TJP1: variants seen among roughly 807,000 people sequenced by gnomAD.
TJP1 encodes tight junction protein ZO-1.
TJP1 carries 43 observed loss-of-function variants against 194.2 expected under a neutral mutation model. The observed-to-expected ratio is 0.22, with a 90% CI of 0.17 to 0.29. The LOEUF is 0.29. Among genes scored for constraint, TJP1 ranks in the 10% least tolerant of loss-of-function variants. The pLI is 1.00. For missense variants in TJP1, 1,971 were observed against 2,185.7 expected, an observed-to-expected ratio of 0.90 and a Z score of 1.96; for synonymous variants, 801 against 779.0, an observed-to-expected ratio of 1.03 and a Z score of -0.47.
chr15:29,949,261 C>A (rs1202997624), intron 2 of TJP1, among the ~76,000 whole-genome samples: 3 of 118,574 alleles, frequency 2.5e-5, no homozygotes, highest in African/African-American at 4.2e-5. Context: ...CCACCTCCAC[C>A]ACCACCACCT....
chr15:29,846,567 A>G (rs1470748678), intron 2 of TJP1, among the ~76,000 whole-genome samples: 1 of 152,110 alleles, frequency 6.6e-6, no homozygotes, highest in Admixed American at 6.6e-5. Flanking sequence ...GAGGTTAGGG[A>G]GGTCCAGGTA....
intron 8 of TJP1, among the ~76,000 whole-genome samples, chr15:29,752,680 G>A (rs2045367710): frequency 6.6e-6 from 1 of 152,000 alleles, no homozygotes; most frequent in Non-Finnish European, 1.5e-5. Flanking sequence ...GTTCACAAAA[G>A]TTCAGGATGT....
intron 6 of TJP1, 140 bp from the exon 7 acceptor site, chr15:29,761,909 A>C: frequency 1.3e-6 from 1 of 797,950 alleles, no homozygotes; most frequent in Non-Finnish European, 1.8e-6. Flanking sequence ...CAAACTGTCA[A>C]AGTATTCCAC....
chr15:29,867,227 C>T (rs185899041), intron 2 of TJP1, among the ~76,000 whole-genome samples: 1 of 152,174 alleles, frequency 6.6e-6, no homozygotes, highest in Non-Finnish European at 1.5e-5. Context: ...ACCAGACATG[C>T]TGTTTGTGGC....
chr15:29,848,955 ACT>A (rs527877460), intron 2 of TJP1, among the ~76,000 whole-genome samples: 12 of 152,244 alleles, frequency 7.9e-5, no homozygotes, highest in East Asian at 5.8e-4. Context: ...TTTATAAAAT[ACT>A]CTTTTTCACA....
At chr15:29,863,599 T>C (rs1009597598) in intron 2 of TJP1, among the ~76,000 whole-genome samples, 4 of 152,126 alleles carry the variant, frequency 2.6e-5, no homozygotes, top group African/African-American at 9.7e-5. Context: ...CACCCATTTA[T>C]GTTACCAGCC....
At chr15:29,778,128 T>C (rs2047133349) in intron 2 of TJP1, among the ~76,000 whole-genome samples, 2 of 152,138 alleles carry the variant, frequency 1.3e-5, no homozygotes, top group African/African-American at 2.4e-5. Context: ...AGCAAGTAAA[T>C]GCAGTTCCGG....
At chr15:29,888,470 ATAAT>A (rs1421512920) in intron 2 of TJP1, among the ~76,000 whole-genome samples, 2 of 152,208 alleles carry the variant, frequency 1.3e-5, no homozygotes, top group Non-Finnish European at 2.9e-5. Context: ...AAAGTGTAAT[ATAAT>A]TAATTCTCAG....
intron 2 of TJP1, among the ~76,000 whole-genome samples, chr15:29,909,382 AT>A (rs905173021): frequency 6.7e-6 from 1 of 149,874 alleles, no homozygotes; most frequent in African/African-American, 2.5e-5. Flanking sequence ...AAAATGGTTC[AT>A]TTTTAAACTT....
intron 8 of TJP1, chr15:29,759,899 T>C (rs1427813765): frequency 1.6e-5 from 5 of 315,226 alleles, no homozygotes; most frequent in East Asian, 5.3e-5. Context: ...ACCTTGGCTA[T>C]TGTGAATAAT....
chr15:29,945,413 T>C (rs1282476338), intron 2 of TJP1, among the ~76,000 whole-genome samples: 1 of 152,220 alleles, frequency 6.6e-6, no homozygotes, highest in African/African-American at 2.4e-5. Context: ...CAAGTACTTA[T>C]CGAGAAGCTG....
chr15:29,901,462 A>C (rs996858013), intron 2 of TJP1, among the ~76,000 whole-genome samples: 1 of 152,150 alleles, frequency 6.6e-6, no homozygotes, highest in African/African-American at 2.4e-5. Flanking sequence ...GGCCTTCTCT[A>C]TCCATAGATC....
At position 29,926,080 on chromosome 15, in the gene TJP1, G is replaced by A. The variant is rs558367454; in HGVS notation, c.306+30152C>T. On this transcript the variant is annotated intron_variant, in intron 2 of 28. Transcript: ENST00000356107. Reference sequence around the variant, plus strand: ...GCCAGGACCCACACTCCCCCCAGTGGAATAAGCTCTATGCTCAGACAACAG... The same window carrying A: ...GCCAGGACCCACACTCCCCCCAGTGAAATAAGCTCTATGCTCAGACAACAG... 3.2e-4 allele frequency among the ~76,000 whole-genome samples: 49 copies of A among 152,268 alleles called. 5 individuals are homozygous for A. Among genetic ancestry groups the A allele is most frequent in the African/African-American group, 1.1e-3 (47 of 41,564 alleles).
At chr15:29,805,885 G>A (rs1360789472) in intron 1 of TJP1, among the ~76,000 whole-genome samples, 2 of 152,142 alleles carry the variant, frequency 1.3e-5, no homozygotes, top group Non-Finnish European at 2.9e-5. Flanking sequence ...AGATGTTTCA[G>A]AAGAAACAGC....
intron 2 of TJP1, among the ~76,000 whole-genome samples, chr15:29,887,419 C>T (rs947300873): frequency 1.3e-4 from 20 of 151,952 alleles, no homozygotes; most frequent in African/African-American, 4.3e-4. Flanking sequence ...CCTGCCTCAG[C>T]CTCCCGAATA....
rs71103415 is a variant in TJP1 at position 29,906,468 on chromosome 15, A to AAAATAAATAAATAAATAAAT, written c.306+49744_306+49763dup. Among the ~76,000 whole-genome samples the AAAATAAATAAATAAATAAAT allele has an allele frequency of 8.6e-3, 1,198 of 138,920 alleles. 6 individuals carry two copies. Among genetic ancestry groups the AAAATAAATAAATAAATAAAT allele is most frequent in the Middle Eastern group, 0.018 (5 of 276 alleles). 91.1% of individuals were successfully genotyped at this position (138,920 alleles called of 152,430 possible). A position where few individuals can be genotyped will look rare whatever the true frequency, so the allele number is the denominator to read the frequency against. On this transcript the variant is annotated intron_variant, in intron 2 of 28. Transcript: ENST00000356107. ...GGGCGATAGAGCGAGACTCCGTCTC[A>AAAATAAATAAATAAATAAAT]AAATAAATAAATAAATAAATAAATA...
chr15:29,911,580 C>G (rs1436563794), intron 2 of TJP1, among the ~76,000 whole-genome samples: 1 of 152,010 alleles, frequency 6.6e-6, no homozygotes, highest in Non-Finnish European at 1.5e-5. Flanking sequence ...CAGGAGAGAG[C>G]AAAGGGGGAG....
At chr15:29,928,715 G>A (rs1445273080) in intron 2 of TJP1, among the ~76,000 whole-genome samples, 15 of 151,996 alleles carry the variant, frequency 9.9e-5, no homozygotes, top group African/African-American at 1.9e-4. Flanking sequence ...AGGCCAAGGC[G>A]GGCAGATCAC....
At chr15:29,719,756 G>A (rs753799804) in intron 20 of TJP1, 21 bp downstream of exon 20, 1 of 1,598,642 alleles carries the variant, frequency 6.3e-7, no homozygotes, top group Non-Finnish European at 8.5e-7. Context: ...ACAAATTAGT[G>A]CAACACCGCA....
Sources: allele counts gnomAD v4.1 joint callset (sites outside exome capture counted in the v4.1 genomes callset), GRCh38; gene constraint gnomAD v4.1.1; transcripts MANE v1.5; gene names NCBI Gene and HGNC (gene_info 2026-07-23, HGNC 2026-07-21).